RERG: variants seen among roughly 807,000 people sequenced by gnomAD.
RERG encodes RAS like estrogen regulated growth inhibitor.
Under a neutral mutation model 23.2 loss-of-function variants are expected in RERG, and 25 were observed. The observed-to-expected ratio is 1.08, with a 90% CI of 0.79 to 1.50. The LOEUF is 1.50. Ranked by LOEUF, RERG falls within the 40% of genes most tolerant of loss-of-function variation. The probability of loss-of-function intolerance (pLI) is 0.00; values close to 1 mark genes in which losing one functional copy is unlikely to be tolerated. For synonymous variants in RERG, 81 were observed against 89.1 expected (o/e 0.91, Z 0.51); for missense variants, 253 against 250.1 (o/e 1.01, Z -0.08).
Position 15,217,425 on chromosome 12 carries a change from T to G in RERG, c.61+4A>C. 6.2e-7 allele frequency: 1 copy of G among 1,608,174 alleles called. No homozygotes were observed. The highest frequency in any genetic ancestry group is 8.5e-7 in the Non-Finnish European group (1 of 1,174,684). Reference sequence around the variant, plus strand: ...CACTATAACAACCACAACGAAAATCTTACCTGACTTGCCCACGCCTGCTCT... The same window carrying G: ...CACTATAACAACCACAACGAAAATCGTACCTGACTTGCCCACGCCTGCTCT... On this transcript the variant is annotated splice_donor_region_variant and intron_variant, in intron 2 of 4. Transcript: ENST00000256953.
chr12:15,200,204 A>G (rs1865197263), intron 2 of RERG, among the ~76,000 whole-genome samples: 3 of 152,096 alleles, frequency 2.0e-5, no homozygotes, highest in Admixed American at 2.0e-4. Context: ...AATAAAACAC[A>G]TTTACAAGAG....
intron 2 of RERG, among the ~76,000 whole-genome samples, chr12:15,171,771 GA>G (rs1260251613): frequency 6.6e-6 from 1 of 152,046 alleles, no homozygotes; most frequent in Non-Finnish European, 1.5e-5. Context: ...TATTTCCAAG[GA>G]AAAGAACATT....
chr12:15,186,329 G>C (rs961652218), intron 2 of RERG, among the ~76,000 whole-genome samples: 1 of 151,662 alleles, frequency 6.6e-6, no homozygotes, highest in African/African-American at 2.4e-5. Context: ...AATTCATTTT[G>C]TCTGGATGTT....
intron 2 of RERG, among the ~76,000 whole-genome samples, chr12:15,131,108 A>G (rs988160139): frequency 3.3e-5 from 5 of 152,178 alleles, no homozygotes; most frequent in Admixed American, 6.5e-5. Flanking sequence ...AATTTTCTAT[A>G]GAAAATTAAC....
At chr12:15,170,037 G>A (rs1051367014) in intron 2 of RERG, among the ~76,000 whole-genome samples, 2 of 150,558 alleles carry the variant, frequency 1.3e-5, no homozygotes, top group Non-Finnish European at 3.0e-5. Flanking sequence ...AAGGTATTTT[G>A]TATTTCTAAT....
At chr12:15,195,231 G>C (rs1684270193) in intron 2 of RERG, among the ~76,000 whole-genome samples, 1 of 151,796 alleles carries the variant, frequency 6.6e-6, no homozygotes, top group Non-Finnish European at 1.5e-5. Flanking sequence ...CAGGAATACT[G>C]CCTTGGGTAA....
intron 2 of RERG, among the ~76,000 whole-genome samples, chr12:15,188,491 A>G (rs936148855): frequency 6.6e-6 from 1 of 152,172 alleles, no homozygotes; most frequent in African/African-American, 2.4e-5. Flanking sequence ...AAGTACATCA[A>G]CAAAAAGTGA....
chr12:15,165,561 A>G (rs983437308), intron 2 of RERG, among the ~76,000 whole-genome samples: 8 of 152,112 alleles, frequency 5.3e-5, no homozygotes, highest in African/African-American at 1.7e-4. Context: ...GGTGGTGGTA[A>G]GACTCACCAT....
At chr12:15,139,336 A>G (rs1864197216) in intron 2 of RERG, among the ~76,000 whole-genome samples, 1 of 152,004 alleles carries the variant, frequency 6.6e-6, no homozygotes, top group Non-Finnish European at 1.5e-5. Context: ...AATTTTAGAA[A>G]CAGATTGTTG....
At chr12:15,183,880 T>C (rs759298555) in intron 2 of RERG, among the ~76,000 whole-genome samples, 3 of 152,186 alleles carry the variant, frequency 2.0e-5, no homozygotes, top group Non-Finnish European at 4.4e-5. Flanking sequence ...ATCAGAACTA[T>C]GTATCTCTTC....
intron 2 of RERG, among the ~76,000 whole-genome samples, chr12:15,182,428 TCCC>T (rs983602493): frequency 6.6e-6 from 1 of 152,080 alleles, no homozygotes; most frequent in Non-Finnish European, 1.5e-5. Flanking sequence ...AAATACCTCC[TCCC>T]AAGTCTTAGC....
intron 2 of RERG, among the ~76,000 whole-genome samples, chr12:15,215,970 G>T (rs1865435974): frequency 1.3e-5 from 2 of 152,288 alleles, no homozygotes; most frequent in South Asian, 4.2e-4. Context: ...ATGATACAAG[G>T]TTTTAAAAAA....
intron 2 of RERG, among the ~76,000 whole-genome samples, chr12:15,202,700 G>A (rs905834604): frequency 6.6e-6 from 1 of 151,616 alleles, no homozygotes; most frequent in African/African-American, 2.4e-5. Context: ...TTGTAGGTCA[G>A]TAGGGACATG....
intron 2 of RERG, among the ~76,000 whole-genome samples, chr12:15,139,834 G>C (rs1565516044): frequency 6.6e-6 from 1 of 151,958 alleles, no homozygotes; most frequent in Non-Finnish European, 1.5e-5. Flanking sequence ...CACTAGTTAG[G>C]TCTTCTGGTG....
At chr12:15,126,199 G>GA (rs555421688) in intron 2 of RERG, among the ~76,000 whole-genome samples, 58 of 131,642 alleles carry the variant, frequency 4.4e-4, no homozygotes, top group African/African-American at 1.5e-3. Flanking sequence ...TCTTCCATTT[G>GA]AAAAAAATGC....
intron 2 of RERG, among the ~76,000 whole-genome samples, chr12:15,190,227 CT>C (rs1294156086): frequency 6.6e-6 from 1 of 152,140 alleles, no homozygotes; most frequent in Non-Finnish European, 1.5e-5. Context: ...GGTGTCCAAT[CT>C]TTTGGCTTCC....
At chr12:15,159,040 T>C (rs1167354857) in intron 2 of RERG, among the ~76,000 whole-genome samples, 2 of 152,248 alleles carry the variant, frequency 1.3e-5, no homozygotes, top group Non-Finnish European at 2.9e-5. Context: ...TCAATTATTT[T>C]GATAATTTCC....
chr12:15,148,937 C>T lies in RERG; in HGVS notation c.62-27818G>A, dbSNP rs143157450. Among the ~76,000 whole-genome samples the T allele has an allele frequency of 7.9e-4, 107 of 135,976 alleles. 1 individual carries two copies. In the East Asian group the frequency reaches 0.024, roughly 30 times the overall value. The allele number at this position is 135,976 out of a possible 152,430, so 89.2% of individuals were successfully genotyped here. A position where few individuals can be genotyped will look rare whatever the true frequency, so the allele number is the denominator to read the frequency against. The stretch of plus-strand genomic sequence containing the variant: ...AGGCTGGACTGCAGTGGCGCCGTCT[C>T]GGCTCACTGCAACCTCCGCCTCCTG... On this transcript the variant is annotated intron_variant, in intron 2 of 4. Transcript: ENST00000256953.
At chr12:15,206,853 T>G (rs923921171) in intron 2 of RERG, among the ~76,000 whole-genome samples, 37 of 152,140 alleles carry the variant, frequency 2.4e-4, no homozygotes, top group African/African-American at 8.7e-4. Flanking sequence ...CAATAATGGT[T>G]GATCACTGTT....
Sources: allele counts gnomAD v4.1 joint callset (sites outside exome capture counted in the v4.1 genomes callset), GRCh38; gene constraint gnomAD v4.1.1; transcripts MANE v1.5; gene names NCBI Gene and HGNC (gene_info 2026-07-23, HGNC 2026-07-21).